Variants in BTBD8 observed in about 807,000 individuals in gnomAD.
The protein encoded by BTBD8 is BTB/POZ domain-containing protein 8.
Under a neutral mutation model 162.9 loss-of-function variants are expected in BTBD8, and 110 were observed. The ratio of observed to expected loss-of-function variants is 0.68; its 90% confidence interval spans 0.58 to 0.79. The LOEUF is 0.79. Ranked by LOEUF, BTBD8 falls within the 30% of genes least tolerant of loss-of-function variation. The pLI is 0.00. For missense variants in BTBD8, 1,905 were observed against 2,085.4 expected (o/e 0.91, Z 1.68); for synonymous variants, 667 against 716.1 (o/e 0.93, Z 1.10).
intron 9 of BTBD8, among the ~76,000 whole-genome samples, chr1:92,159,042 C>T (rs913925109): frequency 6.6e-6 from 1 of 152,190 alleles, no homozygotes; most frequent in African/African-American, 2.4e-5. Context: ...AGGCATGAGC[C>T]ACTGTGCCCA....
At chr1:92,159,634 T>C (rs941506126) in intron 9 of BTBD8, among the ~76,000 whole-genome samples, 2 of 152,240 alleles carry the variant, frequency 1.3e-5, no homozygotes, top group Non-Finnish European at 2.9e-5. Context: ...TCTTTATCTT[T>C]GCCTCATTTT....
intron 9 of BTBD8, among the ~76,000 whole-genome samples, chr1:92,163,378 AAAAAAG>A (rs1650312772): frequency 1.3e-5 from 2 of 149,472 alleles, no homozygotes; most frequent in South Asian, 4.2e-4. Context: ...AAAAAAAAAA[AAAAAAG>A]GCAAGATACA....
intron 2 of BTBD8, among the ~76,000 whole-genome samples, chr1:92,098,437 A>G (rs1333222438): frequency 6.6e-6 from 1 of 152,180 alleles, no homozygotes; most frequent in Non-Finnish European, 1.5e-5. Context: ...CTCTTGTATT[A>G]TATACCTAGG....
chr1:92,184,239 C>A lies in BTBD8; in HGVS notation c.5288C>A (p.Ser1763Tyr). The part of the protein sequence containing the change: ...RWSELTSPLD[S>Y]SASITMASFS... ...AGTGAACTAACATCTCCACTTGATT[C>A]CTCAGCGAGCATCACCATGGCTAGT... Residue 1763 changes from serine (S) to tyrosine (Y), a missense_variant, in exon 18 of 18, where the codon TCC becomes TAC. This residue lies in a region of BTBD8 where 517 missense variants were observed against 606.6 expected (regional missense o/e 0.85). Coordinates refer to ENST00000636805, the MANE Select transcript of BTBD8 (RefSeq NM_001376131.1). The A allele has an allele frequency of 6.4e-7, 1 of 1,551,614 alleles. No homozygotes were observed. Among genetic ancestry groups the A allele is most frequent in the South Asian group, 1.2e-5 (1 of 84,054 alleles).
intron 9 of BTBD8, among the ~76,000 whole-genome samples, chr1:92,155,164 G>T (rs1406441663): frequency 6.6e-6 from 1 of 152,024 alleles, no homozygotes; most frequent in Non-Finnish European, 1.5e-5. Flanking sequence ...CTACAGCTTT[G>T]TTATATATTT....
At chr1:92,151,690 A>T (rs1159394439) in intron 9 of BTBD8, among the ~76,000 whole-genome samples, 3 of 152,192 alleles carry the variant, frequency 2.0e-5, no homozygotes, top group Admixed American at 2.0e-4. Flanking sequence ...TATCCTTCAC[A>T]CATTTTCCAA....
Position 92,116,131 on chromosome 1 carries a change from A to G in BTBD8, c.662+8130A>G, listed in dbSNP as rs189498085. On this transcript the variant is annotated intron_variant, in intron 4 of 17. Transcript: ENST00000636805. ...TTGTCTAGACGTATGTTTAATTTCAACTGTTTGGGAATTTTCCAGATAATT... is the reference window on the plus strand; with the variant it reads ...TTGTCTAGACGTATGTTTAATTTCAGCTGTTTGGGAATTTTCCAGATAATT... Among the ~76,000 whole-genome samples the G allele has an allele frequency of 8.5e-5, 13 of 152,074 alleles. No homozygotes were observed. In the East Asian group the frequency reaches 1.9e-3, roughly 23 times the overall value.
At chr1:92,131,030 T>G (rs1388574216) in intron 5 of BTBD8, among the ~76,000 whole-genome samples, 1 of 152,198 alleles carries the variant, frequency 6.6e-6, no homozygotes, top group Non-Finnish European at 1.5e-5. Context: ...AATACTAATA[T>G]AACACTTTTA....
At position 92,176,900 on chromosome 1, in the gene BTBD8, T is replaced by C. The variant is rs1271390514; in HGVS notation, c.1707T>C (p.Cys569=). The change falls in exon 14 of 18, where the codon TGT becomes TGC. Residue 569 remains cysteine (C), a synonymous_variant. Coordinates refer to ENST00000636805, the MANE Select transcript of BTBD8 (RefSeq NM_001376131.1). ...KSWRGNNKKE[C]WSYLSTNKKM... is the part of the protein sequence containing the mutation. ...GGAGGGGAAATAACAAGAAAGAGTGTTGGAGTTATCTCTCTACTAATAAAA... is the reference window on the plus strand; with the variant it reads ...GGAGGGGAAATAACAAGAAAGAGTGCTGGAGTTATCTCTCTACTAATAAAA... 2 of 1,528,742 alleles carry C rather than the reference T, an allele frequency of 1.3e-6. No homozygotes were observed. Among genetic ancestry groups the C allele is most frequent in the African/African-American group, 2.8e-5 (2 of 71,494 alleles). The allele number at this position is 1,528,742 out of a possible 1,614,324, so 94.7% of individuals were successfully genotyped here.
At chr1:92,167,749 T>C (rs1157831464) in intron 10 of BTBD8, 99 bp from the exon 11 acceptor site, 5 of 939,888 alleles carry the variant, frequency 5.3e-6, no homozygotes, top group Non-Finnish European at 7.6e-6. Context: ...TCTGGTTGAC[T>C]TCATACAGCT....
chr1:92,174,362 A>AT (rs553393322), intron 13 of BTBD8, among the ~76,000 whole-genome samples: 14 of 150,742 alleles, frequency 9.3e-5, no homozygotes, highest in South Asian at 2.1e-4. Context: ...TAATGTTTGT[A>AT]TTTTTTTTTG....
intron 4 of BTBD8, among the ~76,000 whole-genome samples, chr1:92,129,295 C>T (rs1649448414): frequency 6.6e-6 from 1 of 152,018 alleles, no homozygotes; most frequent in South Asian, 2.1e-4. Context: ...CCAGTCTGGA[C>T]AACATAGTGA....
Position 92,168,978 on chromosome 1 carries a change from A to T in BTBD8, c.1556A>T (p.Gln519Leu). ...TGGAAGCTGATGAGCACAGATGATC[A>T]ACAGAAAATCCAAGCAGGTACGTTA... is the stretch of plus-strand genomic sequence containing the variant. The part of the protein sequence containing the change: ...ESWKLMSTDD[Q>L]QKIQAAAFDK... Residue 519 changes from glutamine (Q) to leucine (L), a missense_variant, in exon 12 of 18, where the codon CAA (glutamine) becomes CTA (leucine). This residue lies in a region of BTBD8 where 1,374 missense variants were observed against 1,442.7 expected (regional missense o/e 0.95). Transcript: ENST00000636805. 1 of 1,531,460 alleles carries T rather than the reference A, an allele frequency of 6.5e-7. No individual in the cohort carries two copies. The highest frequency in any genetic ancestry group is 8.8e-7 in the Non-Finnish European group (1 of 1,131,830). 94.9% of individuals were successfully genotyped at this position (1,531,460 alleles called of 1,614,324 possible). A position where few individuals can be genotyped will look rare whatever the true frequency, so the allele number is the denominator to read the frequency against.
chr1:92,102,334 A>G, intron 2 of BTBD8, 139 bp from the exon 3 acceptor site: 1 of 779,352 alleles, frequency 1.3e-6, no homozygotes, highest in Non-Finnish European at 1.8e-6. Context: ...CTGCTATTTT[A>G]GATTGACCTT....
intron 7 of BTBD8, among the ~76,000 whole-genome samples, chr1:92,145,173 A>G (rs1449071737): frequency 1.3e-5 from 2 of 152,184 alleles, no homozygotes; most frequent in Non-Finnish European, 2.9e-5. Context: ...CATGTTGGCC[A>G]GGCTGGCCTT....
chr1:92,171,666 T>C (rs1177431023), intron 13 of BTBD8, among the ~76,000 whole-genome samples: 6 of 152,254 alleles, frequency 3.9e-5, no homozygotes, highest in African/African-American at 7.2e-5. Context: ...ACTGGAAGTA[T>C]CTACCTTTTT....
At chr1:92,133,018 C>T (rs899202580) in intron 5 of BTBD8, among the ~76,000 whole-genome samples, 1 of 152,066 alleles carries the variant, frequency 6.6e-6, no homozygotes, top group Non-Finnish European at 1.5e-5. Flanking sequence ...AAATTATTAG[C>T]ATTGTGGCAT....
In BTBD8 at chr1:92,121,287, A is replaced by G. The variant is rs563528796; in HGVS notation, c.663-8400A>G. Among the ~76,000 whole-genome samples the G allele has an allele frequency of 2.0e-5, 3 of 152,256 alleles. No homozygotes were observed. The South Asian group carries it at 6.2e-4, about 32-fold the overall frequency. ...ATTTCGTGCTGAATTCAGTTTGCTA[A>G]TATTTTGTTTAGGAATTTTGCATCT... On this transcript the variant is annotated intron_variant, in intron 4 of 17. Coordinates refer to ENST00000636805, the MANE Select transcript of BTBD8 (RefSeq NM_001376131.1).
At chr1:92,153,536 C>T (rs946831880) in intron 9 of BTBD8, among the ~76,000 whole-genome samples, 4 of 152,156 alleles carry the variant, frequency 2.6e-5, no homozygotes, top group African/African-American at 9.7e-5. Context: ...TTTCCCCTTC[C>T]CCAGCTCCTG....
Sources: gnomAD v4.1 joint callset for allele counts (sites outside exome capture counted in the v4.1 genomes callset) on GRCh38, gnomAD v4.1.1 for gene constraint, gnomAD v4.1.1 regional missense constraint, MANE v1.5 for transcripts, NCBI Gene and HGNC (gene_info 2026-07-23, HGNC 2026-07-21) for gene names.